AGAP1: variants seen among roughly 807,000 people sequenced by gnomAD.
AGAP1 encodes arf-GAP with GTPase, ANK repeat and PH domain-containing protein 1.
AGAP1 carries 29 observed loss-of-function variants against 105.3 expected under a neutral mutation model. That is an observed-to-expected ratio of 0.28 (90% CI 0.21 to 0.38). The LOEUF (loss-of-function observed/expected upper bound fraction) is 0.38, where lower values mean the gene tolerates loss of function less well. Among genes scored for constraint, AGAP1 ranks in the 10% least tolerant of loss-of-function variants. The pLI is 1.00. For synonymous variants in AGAP1, 509 were observed against 485.9 expected (o/e 1.05, Z -0.63); for missense variants, 998 against 1,165.1 (o/e 0.86, Z 2.09).
At chr2:235,561,095 G>T (rs1036644526) in intron 1 of AGAP1, among the ~76,000 whole-genome samples, 3 of 152,214 alleles carry the variant, frequency 2.0e-5, no homozygotes, top group African/African-American at 7.2e-5. Flanking sequence ...AGCCTAGGGT[G>T]TCCATTTAGC....
rs2056050470 is a variant in AGAP1, at chr2:236,000,085, C to A, written c.1645+31462C>A. Among the ~76,000 whole-genome samples the A allele has an allele frequency of 6.6e-6, 1 of 152,162 alleles. No individual in the cohort carries two copies. The highest frequency in any genetic ancestry group is 1.5e-5 in the Non-Finnish European group (1 of 68,034). ...TCCTCGAAGGTTTGTTTGTTAGTAGCCATAACCGTGCAGCATCCATCGGGA... is the reference window on the plus strand; with the variant it reads ...TCCTCGAAGGTTTGTTTGTTAGTAGACATAACCGTGCAGCATCCATCGGGA... On this transcript the variant is annotated intron_variant, in intron 13 of 17. Coordinates refer to ENST00000304032, the MANE Select transcript of AGAP1 (RefSeq NM_001037131.3). This position sits in a 1 kb window ranked among gnomAD's most constrained non-coding sequence, Gnocchi z 4.3.
intron 1 of AGAP1, among the ~76,000 whole-genome samples, chr2:235,512,791 C>A (rs1006669781): frequency 6.6e-6 from 1 of 152,202 alleles, no homozygotes; most frequent in Non-Finnish European, 1.5e-5. Context: ...GACCATGTAA[C>A]CTTTGCGCCA....
intron 9 of AGAP1, among the ~76,000 whole-genome samples, chr2:235,815,968 C>T (rs1220363466): frequency 6.6e-6 from 1 of 152,146 alleles, no homozygotes; most frequent in Non-Finnish European, 1.5e-5. Flanking sequence ...CTCCTCAGGG[C>T]CGCGGGTAAA....
At position 236,005,569 on chromosome 2, in the gene AGAP1, C is replaced by T. The variant is rs1034123687; in HGVS notation, c.1646-30992C>T. Among the ~76,000 whole-genome samples the T allele has an allele frequency of 6.6e-6, 1 of 152,314 alleles. No individual in the cohort carries two copies. Among genetic ancestry groups the T allele is most frequent in the East Asian group, 1.9e-4 (1 of 5,182 alleles). On this transcript the variant is annotated intron_variant, in intron 13 of 17. Coordinates refer to ENST00000304032, the MANE Select transcript of AGAP1 (RefSeq NM_001037131.3). The surrounding 1 kb of genome is among the most constrained non-coding windows in gnomAD (Gnocchi z 4.1). ...CTTTAGCTTTAACCTCATGCCGTGT[C>T]TCTGTTCCAGGATCCAAATCCTATT...
At chr2:235,742,044 C>T (rs989164190) in intron 4 of AGAP1, among the ~76,000 whole-genome samples, 2 of 152,182 alleles carry the variant, frequency 1.3e-5, no homozygotes, top group South Asian at 2.1e-4. Context: ...TGAGCCACCG[C>T]GCCCGACCCA....
intron 9 of AGAP1, among the ~76,000 whole-genome samples, chr2:235,836,792 C>T (rs1960213879): frequency 6.6e-6 from 1 of 152,176 alleles, no homozygotes; most frequent in African/African-American, 2.4e-5. Flanking sequence ...TTCTAAAGCT[C>T]CCTCCTCGAG....
Position 236,051,184 on chromosome 2 carries a change from G to A in AGAP1, c.2114+1903G>A, listed in dbSNP as rs767934412. On this transcript the variant is annotated intron_variant, in intron 16 of 17. Transcript: ENST00000304032. This position sits in a 1 kb window ranked among gnomAD's most constrained non-coding sequence, Gnocchi z 5.9. ...TTCTGTGCTGTTGCTGAAGGTAACT[G>A]TGGAATTTCTAAGTTCCCTTTGCAC... Among the ~76,000 whole-genome samples, 1 of 152,328 alleles carries A rather than the reference G, an allele frequency of 6.6e-6. No homozygotes were observed. The highest frequency in any genetic ancestry group is 6.5e-5 in the Admixed American group (1 of 15,304).
chr2:235,722,291 G>A (rs867828988), intron 3 of AGAP1, among the ~76,000 whole-genome samples: 1 of 152,178 alleles, frequency 6.6e-6, no homozygotes, highest in Non-Finnish European at 1.5e-5. Context: ...GTGTTGACGG[G>A]GTTGGTCCTT....
At position 236,096,180 on chromosome 2, in the gene AGAP1, A is replaced by G. The variant is rs1344961953; in HGVS notation, c.2115-24012A>G. Among the ~76,000 whole-genome samples, 1 of 152,162 alleles carries G rather than the reference A, an allele frequency of 6.6e-6. No homozygotes were observed. The highest frequency in any genetic ancestry group is 1.5e-5 in the Non-Finnish European group (1 of 68,026). On this transcript the variant is annotated intron_variant, in intron 16 of 17. Transcript: ENST00000304032. This position sits in a 1 kb window ranked among gnomAD's most constrained non-coding sequence, Gnocchi z 4.4. Reference sequence around the variant, plus strand: ...TAGGTAACTTCACTGGCTTCTTCACACAAATGTGGCTCTTCTCATTAAAAG... The same window carrying G: ...TAGGTAACTTCACTGGCTTCTTCACGCAAATGTGGCTCTTCTCATTAAAAG...
chr2:235,826,698 A>G (rs551612187), intron 9 of AGAP1, among the ~76,000 whole-genome samples: 1 of 152,142 alleles, frequency 6.6e-6, no homozygotes, highest in Admixed American at 6.5e-5. Flanking sequence ...TCAGCCTCCC[A>G]AAGTGCTGGA....
chr2:235,544,994 A>G (rs1019635649), intron 1 of AGAP1, among the ~76,000 whole-genome samples: 1 of 152,166 alleles, frequency 6.6e-6, no homozygotes, highest in Non-Finnish European at 1.5e-5. Flanking sequence ...TGACATACTG[A>G]TAAATCTTTT....
chr2:235,945,285 A>G (rs2053439370), intron 12 of AGAP1, among the ~76,000 whole-genome samples: 1 of 151,712 alleles, frequency 6.6e-6, no homozygotes, highest in Non-Finnish European at 1.5e-5. Context: ...TATTTTTAGT[A>G]GAGTTGGGGG....
intron 16 of AGAP1, among the ~76,000 whole-genome samples, chr2:236,079,529 CAAA>C (rs201191220): frequency 1.5e-5 from 2 of 136,038 alleles, no homozygotes; most frequent in African/African-American, 2.8e-5. Flanking sequence ...GACCTCGTCT[CAAA>C]AAAAAAAAAT....
chr2:235,750,345 C>G lies in AGAP1; in HGVS notation c.539-9C>G, dbSNP rs1456717730. ...CACTGTGCCGTTACTTTTTGGTCTTCTGTTCCAGATGCCATAAGTTCTGCT... is the reference window on the plus strand; with the variant it reads ...CACTGTGCCGTTACTTTTTGGTCTTGTGTTCCAGATGCCATAAGTTCTGCT... On this transcript the variant is annotated splice_polypyrimidine_tract_variant and intron_variant, in intron 5 of 17. Transcript: ENST00000304032. This position sits in a 1 kb window ranked among gnomAD's most constrained non-coding sequence, Gnocchi z 5.3. 1.2e-6 allele frequency: 2 copies of G among 1,613,930 alleles called. No individual in the cohort carries two copies. Among genetic ancestry groups the G allele is most frequent in the African/African-American group, 1.3e-5 (1 of 74,900 alleles).
chr2:235,548,912 C>G (rs1023498603), intron 1 of AGAP1, among the ~76,000 whole-genome samples: 1 of 152,176 alleles, frequency 6.6e-6, no homozygotes. Flanking sequence ...CATAGCCTTT[C>G]GCTTATATTG....
chr2:235,982,093 T>C lies in AGAP1; in HGVS notation c.1645+13470T>C, dbSNP rs2055123527. Among the ~76,000 whole-genome samples the C allele has an allele frequency of 6.6e-6, 1 of 152,234 alleles. No homozygotes were observed. The highest frequency in any genetic ancestry group is 6.5e-5 in the Admixed American group (1 of 15,282). On this transcript the variant is annotated intron_variant, in intron 13 of 17. Transcript: ENST00000304032. This position sits in a 1 kb window ranked among gnomAD's most constrained non-coding sequence, Gnocchi z 4.9. ...TTGACAGAATGCATTTTTACAGCAC[T>C]TAGAAAATACCAGATCCACGAAGAA... is the stretch of plus-strand genomic sequence containing the variant.
chr2:235,776,322 C>G (rs149940862), intron 6 of AGAP1, among the ~76,000 whole-genome samples: 4 of 152,126 alleles, frequency 2.6e-5, no homozygotes, highest in Admixed American at 2.6e-4. Flanking sequence ...ACTGCCCATT[C>G]GGAAGTCCAG....
At position 235,662,791 on chromosome 2, in the gene AGAP1, T is replaced by A. The variant is rs1948004501; in HGVS notation, c.164-46388T>A. Among the ~76,000 whole-genome samples, 1 of 152,186 alleles carries A rather than the reference T, an allele frequency of 6.6e-6. No individual in the cohort carries two copies. Among genetic ancestry groups the A allele is most frequent in the Admixed American group, 6.5e-5 (1 of 15,278 alleles). ...CACCCAGCCTGTGTCCCTCATCCCCTTGCTCCGCTGCAAGAACCCCTCACC... is the reference window on the plus strand; with the variant it reads ...CACCCAGCCTGTGTCCCTCATCCCCATGCTCCGCTGCAAGAACCCCTCACC... On this transcript the variant is annotated intron_variant, in intron 1 of 17. Transcript: ENST00000304032. The surrounding 1 kb of genome is among the most constrained non-coding windows in gnomAD (Gnocchi z 4.2).
At chr2:235,848,946 T>C (rs1233407880) in intron 9 of AGAP1, among the ~76,000 whole-genome samples, 1 of 152,234 alleles carries the variant, frequency 6.6e-6, no homozygotes, top group African/African-American at 2.4e-5. Flanking sequence ...CTGATTTCCC[T>C]GTCCGTCCGT....
Sources: gnomAD v4.1 joint callset for allele counts (sites outside exome capture counted in the v4.1 genomes callset) on GRCh38, gnomAD v4.1.1 for gene constraint, Gnocchi (gnomAD v3.1) non-coding constraint, MANE v1.5 for transcripts, NCBI Gene and HGNC (gene_info 2026-07-23, HGNC 2026-07-21) for gene names.